Variants in NUAK1 observed in about 807,000 individuals in gnomAD.
NUAK1 encodes NUAK family kinase 1, also known as NUAK family SNF1-like kinase 1.
Under a neutral mutation model 56.9 loss-of-function variants are expected in NUAK1, and 26 were observed. The ratio of observed to expected loss-of-function variants is 0.46; its 90% CI spans 0.33 to 0.63. The LOEUF (loss-of-function observed/expected upper bound fraction) is 0.63, where lower values mean the gene tolerates loss of function less well. Ranked by LOEUF, NUAK1 falls within the 30% of genes least tolerant of loss-of-function variation. NUAK1 has a pLI of 0.02. For synonymous variants in NUAK1, 337 were observed against 336.0 expected, an observed-to-expected ratio of 1.00 and a Z score of -0.03; for missense variants, 727 against 876.1, an observed-to-expected ratio of 0.83 and a Z score of 2.15.
chr12:106,095,939 C>A (rs1002200805), intron 2 of NUAK1, among the ~76,000 whole-genome samples: 1 of 152,036 alleles, frequency 6.6e-6, no homozygotes, highest in African/African-American at 2.4e-5. Flanking sequence ...GGAGCACAAT[C>A]AAAAAAATTC....
intron 1 of NUAK1, among the ~76,000 whole-genome samples, chr12:106,137,446 G>GCCACACA (rs2033140336): frequency 1.3e-5 from 2 of 152,144 alleles, no homozygotes; most frequent in African/African-American, 4.8e-5. Flanking sequence ...TTAATTTTCT[G>GCCACACA]CCACACACCA....
intron 1 of NUAK1, among the ~76,000 whole-genome samples, chr12:106,119,482 G>A (rs2032952909): frequency 6.6e-6 from 1 of 152,178 alleles, no homozygotes; most frequent in South Asian, 2.1e-4. Context: ...CGCCCCTGCA[G>A]ATCGTCACCC....
At chr12:106,130,211 A>G (rs986505366) in intron 1 of NUAK1, among the ~76,000 whole-genome samples, 2 of 151,892 alleles carry the variant, frequency 1.3e-5, no homozygotes, top group Admixed American at 6.6e-5. Context: ...CAAACTCCCA[A>G]CCTCCGGTGA....
intron 2 of NUAK1, among the ~76,000 whole-genome samples, chr12:106,104,659 G>T (rs2032782975): frequency 6.6e-6 from 1 of 152,160 alleles, no homozygotes. Flanking sequence ...AGAGGTGTTT[G>T]TGATGTAAAT....
rs1322471698 is a variant in NUAK1 at position 106,064,493 on chromosome 12, C to G, written c.*2309G>C. On this transcript the variant is annotated 3_prime_UTR_variant, in exon 7 of 7. Coordinates refer to ENST00000261402, the MANE Select transcript of NUAK1 (RefSeq NM_014840.3). ...CTGAGTTTCCTGACAAAAGAGAACA[C>G]GTGTTTGGGGGGAGGAAGAAGGGAG... 1 of 152,228 alleles carries G rather than the reference C, an allele frequency of 6.6e-6. No individual in the cohort carries two copies. Among genetic ancestry groups the G allele is most frequent in the South Asian group, 2.1e-4 (1 of 4,836 alleles). The allele number at this position is 152,228 out of a possible 1,614,324, so 9.4% of individuals were successfully genotyped here. A position where few individuals can be genotyped will look rare whatever the true frequency, so the allele number is the denominator to read the frequency against.
rs573460235 is a variant in NUAK1, at chr12:106,137,498, T to C, written c.240+916A>G. 2.0e-5 allele frequency among the ~76,000 whole-genome samples: 3 copies of C among 152,218 alleles called. No individual in the cohort carries two copies. The East Asian group carries it at 5.8e-4, about 29-fold the overall frequency. The stretch of plus-strand genomic sequence containing the variant: ...AACAGTCAGTCACTTTGAACCCAAC[T>C]CTCTAGCCACAAGCAGTGTGGATTT... On this transcript the variant is annotated intron_variant, in intron 1 of 6. Coordinates refer to ENST00000261402, the MANE Select transcript of NUAK1 (RefSeq NM_014840.3).
rs6539249 is a variant in NUAK1, at chr12:106,066,380, A to G, written c.*422T>C. On this transcript the variant is annotated 3_prime_UTR_variant, in exon 7 of 7. Coordinates refer to ENST00000261402, the MANE Select transcript of NUAK1 (RefSeq NM_014840.3). ...ACGCAGCCAGACCTAGCTTGCTAAT[A>G]CAAGGAGAAAAGGGGCAAGTTCTTT... The G allele has an allele frequency of 0.74, 126,596 of 171,774 alleles. 48,185 individuals are homozygous for G. The highest frequency in any genetic ancestry group is 0.98 in the East Asian group (6,475 of 6,624). The allele number at this position is 171,774 out of a possible 1,614,324, so 10.6% of individuals were successfully genotyped here. A position where few individuals can be genotyped will look rare whatever the true frequency, so the allele number is the denominator to read the frequency against.
intron 2 of NUAK1, among the ~76,000 whole-genome samples, chr12:106,101,866 C>T (rs1336425834): frequency 1.3e-5 from 2 of 152,114 alleles, no homozygotes; most frequent in East Asian, 1.9e-4. Flanking sequence ...TCTAACTTCA[C>T]GTTCAGCGCT....
intron 2 of NUAK1, among the ~76,000 whole-genome samples, chr12:106,097,967 C>T (rs2032711321): frequency 6.6e-6 from 1 of 152,198 alleles, no homozygotes; most frequent in Admixed American, 6.5e-5. Context: ...AGGACCTCTG[C>T]TGGGTTCTGC....
intron 2 of NUAK1, among the ~76,000 whole-genome samples, chr12:106,089,242 G>C: frequency 6.6e-6 from 1 of 152,236 alleles, no homozygotes; most frequent in East Asian, 1.9e-4. Flanking sequence ...TAAACAAGAA[G>C]ACTCACACCC....
chr12:106,138,460 G>T lies in NUAK1; in HGVS notation c.194C>A (p.Thr65Asn). The T allele has an allele frequency of 6.2e-7, 1 of 1,613,308 alleles. No individual in the cohort carries two copies. The highest frequency in any genetic ancestry group is 8.5e-7 in the Non-Finnish European group (1 of 1,179,794). Residue 65 changes from threonine to asparagine, a missense_variant, in exon 1 of 7, where the codon ACC (threonine) becomes AAC (asparagine). Thr to Asn is a moderately conservative substitution (Grantham distance 65). Transcript: ENST00000261402. The surrounding 1 kb of genome is among the most constrained non-coding windows in gnomAD (Gnocchi z 5.0). Reference protein sequence around the residue: ...YELQETLGKGTYGKVKRATER... With the variant: ...YELQETLGKGNYGKVKRATER... Reference sequence around the variant, plus strand: ...GGTGGCCCGCTTGACTTTGCCGTAGGTGCCTTTGCCCAGGGTCTCCTGCAG... The same window carrying T: ...GGTGGCCCGCTTGACTTTGCCGTAGTTGCCTTTGCCCAGGGTCTCCTGCAG...
chr12:106,091,305 G>A (rs954735268), intron 2 of NUAK1, among the ~76,000 whole-genome samples: 5 of 152,202 alleles, frequency 3.3e-5, no homozygotes, highest in Non-Finnish European at 5.9e-5. Context: ...TGACATGCCA[G>A]GCCTACCAGG....
intron 1 of NUAK1, among the ~76,000 whole-genome samples, chr12:106,123,669 G>T (rs912337441): frequency 2.6e-5 from 4 of 152,150 alleles, no homozygotes; most frequent in Non-Finnish European, 5.9e-5. Flanking sequence ...CAGGTACGAG[G>T]CATTGTGCTT....
intron 4 of NUAK1, among the ~76,000 whole-genome samples, chr12:106,080,827 C>T (rs1565919967): frequency 6.6e-6 from 1 of 152,322 alleles, no homozygotes; most frequent in South Asian, 2.1e-4. Flanking sequence ...GCTCATGTCC[C>T]GCTGGTTCGT....
intron 1 of NUAK1, among the ~76,000 whole-genome samples, chr12:106,136,383 C>T (rs2559602): frequency 0.44 from 67,055 of 151,906 alleles, 16,215 homozygotes; most frequent in South Asian, 0.55. Flanking sequence ...GGCCGCTTGA[C>T]TAAATCCTGA....
chr12:106,081,995 C>A (rs1255638356), intron 4 of NUAK1, among the ~76,000 whole-genome samples: 1 of 152,208 alleles, frequency 6.6e-6, no homozygotes, highest in Non-Finnish European at 1.5e-5. Flanking sequence ...CCTAGGTAGG[C>A]ACCTTCAGAG....
intron 1 of NUAK1, among the ~76,000 whole-genome samples, chr12:106,118,421 T>C (rs990598772): frequency 1.1e-4 from 16 of 152,232 alleles, no homozygotes; most frequent in Non-Finnish European, 2.1e-4. Flanking sequence ...GAAAACACTC[T>C]TAGCCCTGGC....
At chr12:106,119,413 G>A (rs970984080) in intron 1 of NUAK1, among the ~76,000 whole-genome samples, 1 of 152,182 alleles carries the variant, frequency 6.6e-6, no homozygotes, top group African/African-American at 2.4e-5. Flanking sequence ...AGACTTTGGG[G>A]AATGGAAATA....
chr12:106,092,094 C>T (rs2032641128), intron 2 of NUAK1, among the ~76,000 whole-genome samples: 1 of 152,052 alleles, frequency 6.6e-6, no homozygotes, highest in Admixed American at 6.5e-5. Flanking sequence ...AACAATATTG[C>T]CAGCCCCCTG....
Sources: gnomAD v4.1 joint callset for allele counts (sites outside exome capture counted in the v4.1 genomes callset) on GRCh38, gnomAD v4.1.1 for gene constraint, Gnocchi (gnomAD v3.1) non-coding constraint, MANE v1.5 for transcripts, NCBI Gene and HGNC (gene_info 2026-07-23, HGNC 2026-07-21) for gene names.